RALYL: variants seen among roughly 807,000 people sequenced by gnomAD.
RALYL encodes the protein RALY RNA binding protein like.
Under a neutral mutation model 35.1 loss-of-function variants are expected in RALYL, and 29 were observed. The observed-to-expected ratio is 0.83, with a 90% CI of 0.61 to 1.13. The LOEUF (loss-of-function observed/expected upper bound fraction) is 1.13, where lower values mean the gene tolerates loss of function less well. Among genes scored for constraint, RALYL ranks in the 50% most tolerant of loss-of-function variants. The pLI is 0.00. For missense variants in RALYL, 359 were observed against 360.4 expected (o/e 1.00, Z 0.03); for synonymous variants, 120 against 127.6 (o/e 0.94, Z 0.40).
chr8:84,631,289 A>C (rs1823851411), intron 2 of RALYL, among the ~76,000 whole-genome samples: 1 of 151,976 alleles, frequency 6.6e-6, no homozygotes. Context: ...TGTTCTCTTA[A>C]GGTGACTCCC....
chr8:84,185,050 G>C (rs748740850), intron 1 of RALYL: 1 of 1,611,296 alleles, frequency 6.2e-7, no homozygotes, highest in Non-Finnish European at 8.5e-7. Context: ...TTTACCAAAG[G>C]GCTTTGCTTT....
chr8:84,241,596 T>C (rs906733852), intron 1 of RALYL, among the ~76,000 whole-genome samples: 3 of 151,912 alleles, frequency 2.0e-5, no homozygotes, highest in Non-Finnish European at 4.4e-5. Flanking sequence ...GCTGATATGG[T>C]GAAACCCTAT....
intron 1 of RALYL, among the ~76,000 whole-genome samples, chr8:84,215,237 GA>G (rs1563546050): frequency 6.6e-6 from 1 of 151,868 alleles, no homozygotes; most frequent in Non-Finnish European, 1.5e-5. Flanking sequence ...ATTGTAACAG[GA>G]AAAAACTGTC....
intron 2 of RALYL, among the ~76,000 whole-genome samples, chr8:84,657,602 C>T (rs1830191613): frequency 6.6e-6 from 1 of 152,062 alleles, no homozygotes; most frequent in African/African-American, 2.4e-5. Flanking sequence ...TAGATTTCTA[C>T]AAGATAAAAC....
chr8:84,197,620 ACTAT>A (rs1255279623), intron 1 of RALYL, among the ~76,000 whole-genome samples: 3 of 151,936 alleles, frequency 2.0e-5, no homozygotes, highest in African/African-American at 7.2e-5. Context: ...AGAAGATGAG[ACTAT>A]CTAAGTATGA....
chr8:84,627,445 GAGGTCTTATCGAGTGGCTAGGAT>G (rs1448897371), intron 2 of RALYL, among the ~76,000 whole-genome samples: 1 of 147,126 alleles, frequency 6.8e-6, no homozygotes, highest in African/African-American at 2.5e-5. Flanking sequence ...TCTCCAGAGA[GAGGTCTTATCGAGTGGCTAGGAT>G]TCCAAATTCA....
intron 1 of RALYL, among the ~76,000 whole-genome samples, chr8:84,353,400 G>A (rs1851269592): frequency 6.7e-6 from 1 of 150,308 alleles, no homozygotes; most frequent in Non-Finnish European, 1.5e-5. Flanking sequence ...GTCTCCCACA[G>A]ATCACCTGCC....
chr8:84,700,705 C>T (rs915908218), intron 2 of RALYL, among the ~76,000 whole-genome samples: 4 of 152,046 alleles, frequency 2.6e-5, no homozygotes, highest in Non-Finnish European at 4.4e-5. Flanking sequence ...ATATGATAGC[C>T]GTTAAATATT....
intron 6 of RALYL, among the ~76,000 whole-genome samples, chr8:84,865,583 T>C (rs1171567617): frequency 1.3e-5 from 2 of 152,190 alleles, no homozygotes; most frequent in African/African-American, 4.8e-5. Flanking sequence ...TATAATCAGC[T>C]TGTCCTTTCC....
chr8:84,880,625 T>C (rs949334966), intron 7 of RALYL, among the ~76,000 whole-genome samples: 1 of 152,052 alleles, frequency 6.6e-6, no homozygotes, highest in Non-Finnish European at 1.5e-5. Flanking sequence ...ACATGTTCTG[T>C]TGCATTCATC....
At chr8:84,527,241 G>A (rs758563167) in intron 1 of RALYL, among the ~76,000 whole-genome samples, 4 of 151,976 alleles carry the variant, frequency 2.6e-5, no homozygotes, top group Non-Finnish European at 5.9e-5. Context: ...GGAGGTACAG[G>A]TATGAGTGTC....
intron 2 of RALYL, among the ~76,000 whole-genome samples, chr8:84,697,765 G>C (rs1473782441): frequency 2.0e-5 from 3 of 151,838 alleles, no homozygotes; most frequent in Non-Finnish European, 4.4e-5. Flanking sequence ...AAAGGCCCTA[G>C]TGTCTGTTTT....
At chr8:84,368,759 C>T (rs1855071650) in intron 1 of RALYL, among the ~76,000 whole-genome samples, 1 of 152,192 alleles carries the variant, frequency 6.6e-6, no homozygotes, top group South Asian at 2.1e-4. Context: ...CCAGGTCCCT[C>T]CCACAACATG....
intron 1 of RALYL, among the ~76,000 whole-genome samples, chr8:84,293,366 T>G (rs1435364351): frequency 1.3e-5 from 2 of 152,146 alleles, no homozygotes; most frequent in Non-Finnish European, 2.9e-5. Flanking sequence ...GAGGGATTAT[T>G]CTTCTTTAAT....
At chr8:84,392,435 AAAAC>A (rs1860900357) in intron 1 of RALYL, among the ~76,000 whole-genome samples, 1 of 150,974 alleles carries the variant, frequency 6.6e-6, no homozygotes, top group Non-Finnish European at 1.5e-5. Flanking sequence ...TAAAGAGTGA[AAAAC>A]AAAAAAAAAA....
chr8:84,837,349 G>A (rs1357968558), intron 4 of RALYL, among the ~76,000 whole-genome samples: 1 of 152,308 alleles, frequency 6.6e-6, no homozygotes, highest in South Asian at 2.1e-4. Flanking sequence ...TATCGCAATT[G>A]AGAAGGCTCT....
intron 1 of RALYL, among the ~76,000 whole-genome samples, chr8:84,220,506 G>C (rs1821936978): frequency 6.6e-6 from 1 of 151,792 alleles, no homozygotes; most frequent in African/African-American, 2.4e-5. Context: ...TAGGGCTCAT[G>C]GTTTTAAATA....
At chr8:84,566,328 A>T (rs1300555745) in intron 2 of RALYL, among the ~76,000 whole-genome samples, 1 of 151,574 alleles carries the variant, frequency 6.6e-6, no homozygotes. Flanking sequence ...TTGGTGGGGC[A>T]GGGGTGGAGA....
chr8:84,543,358 A>G (rs924853192), intron 2 of RALYL, among the ~76,000 whole-genome samples: 2 of 152,066 alleles, frequency 1.3e-5, no homozygotes, highest in Non-Finnish European at 2.9e-5. Flanking sequence ...AAAATAAAGT[A>G]ACTTACTATT....
Sources: allele counts gnomAD v4.1 joint callset (sites outside exome capture counted in the v4.1 genomes callset), GRCh38; gene constraint gnomAD v4.1.1; transcripts MANE v1.5; gene names NCBI Gene and HGNC (gene_info 2026-07-23, HGNC 2026-07-21).